Variants in LRRC4C observed in about 807,000 individuals in gnomAD.
LRRC4C encodes the protein leucine rich repeat containing 4C, also known as leucine-rich repeat-containing protein 4C.
In LRRC4C, 5 loss-of-function variants were observed where a neutral mutation model predicts 33.6. The ratio of observed to expected loss-of-function variants is 0.15; its 90% CI spans 0.08 to 0.31. LRRC4C has a LOEUF of 0.31. Among genes scored for constraint, LRRC4C ranks in the 10% least tolerant of loss-of-function variants. The pLI, the probability that LRRC4C is intolerant of heterozygous loss-of-function variation, is 1.00. For synonymous variants in LRRC4C, 329 were observed against 302.0 expected (o/e 1.09, Z -0.93); for missense variants, 560 against 796.7 (o/e 0.70, Z 3.58).
chr11:41,086,635 C>A (rs915942489), intron 1 of LRRC4C, among the ~76,000 whole-genome samples: 12 of 151,978 alleles, frequency 7.9e-5, no homozygotes, highest in African/African-American at 2.7e-4. Flanking sequence ...TTTTAAATTT[C>A]TTTTCTTTGT....
chr11:40,938,992 T>C (rs762644364), intron 1 of LRRC4C, among the ~76,000 whole-genome samples: 1 of 152,058 alleles, frequency 6.6e-6, no homozygotes, highest in Non-Finnish European at 1.5e-5. Context: ...TAAAATAGTA[T>C]TATATAATTA....
chr11:41,432,710 T>C (rs1337501108), intron 1 of LRRC4C, among the ~76,000 whole-genome samples: 7 of 152,074 alleles, frequency 4.6e-5, no homozygotes, highest in Admixed American at 3.9e-4. Flanking sequence ...ACTGTCATCA[T>C]GGCCAGTGCT....
chr11:41,214,573 T>TACAAAAA (rs1946959262), intron 1 of LRRC4C, among the ~76,000 whole-genome samples: 2 of 19,388 alleles, frequency 1.0e-4, no homozygotes, highest in Non-Finnish European at 2.1e-4. Flanking sequence ...CTACTAAAAA[T>TACAAAAA]ACAAAAAAAA....
intron 3 of LRRC4C, among the ~76,000 whole-genome samples, chr11:40,502,854 AT>A (rs773349440): frequency 2.6e-4 from 40 of 152,296 alleles, no homozygotes; most frequent in East Asian, 7.7e-4. Context: ...TTAGAAAAAA[AT>A]ATGTGATTTT....
At chr11:41,310,539 T>A (rs930643481) in intron 1 of LRRC4C, among the ~76,000 whole-genome samples, 1 of 152,248 alleles carries the variant, frequency 6.6e-6, no homozygotes, top group Admixed American at 6.5e-5. Flanking sequence ...CAAATTACAG[T>A]ACATTCCTTT....
intron 1 of LRRC4C, among the ~76,000 whole-genome samples, chr11:41,364,889 T>C (rs1316598092): frequency 6.6e-6 from 1 of 152,128 alleles, no homozygotes; most frequent in Non-Finnish European, 1.5e-5. Context: ...ACATGGCTGA[T>C]ATCTAAGGCG....
chr11:40,193,890 G>A (rs1021558358), intron 5 of LRRC4C, among the ~76,000 whole-genome samples: 8 of 152,128 alleles, frequency 5.3e-5, no homozygotes, highest in Non-Finnish European at 1.0e-4. Context: ...AATAAAGCAT[G>A]AAGACAAGAT....
At chr11:40,928,640 T>C (rs1957490452) in intron 2 of LRRC4C, among the ~76,000 whole-genome samples, 1 of 152,160 alleles carries the variant, frequency 6.6e-6, no homozygotes, top group South Asian at 2.1e-4. Context: ...AAATTGCATG[T>C]TTGCTTTGGC....
intron 5 of LRRC4C, among the ~76,000 whole-genome samples, chr11:40,163,931 T>C (rs923915125): frequency 3.3e-5 from 5 of 152,178 alleles, no homozygotes; most frequent in African/African-American, 1.2e-4. Flanking sequence ...CTCCCTTGAT[T>C]GGGTTGCATT....
chr11:41,435,646 C>G (rs79650335), intron 1 of LRRC4C, among the ~76,000 whole-genome samples: 6 of 152,132 alleles, frequency 3.9e-5, no homozygotes, highest in African/African-American at 1.4e-4. Flanking sequence ...TTCACATGCT[C>G]ACATGAGAAT....
At chr11:41,019,782 CT>C (rs2137651721) in intron 1 of LRRC4C, among the ~76,000 whole-genome samples, 2 of 152,172 alleles carry the variant, frequency 1.3e-5, no homozygotes, top group African/African-American at 2.4e-5. Context: ...TGATGCTGAG[CT>C]TTTTTTCCAC....
intron 1 of LRRC4C, among the ~76,000 whole-genome samples, chr11:41,413,980 CTGCTTTAG>C (rs766414919): frequency 7.2e-5 from 11 of 152,152 alleles, no homozygotes; most frequent in Non-Finnish European, 1.5e-4. Context: ...TCAAAGAAAC[CTGCTTTAG>C]TGCTTTGTAG....
chr11:40,945,132 C>T (rs1182621513), intron 1 of LRRC4C, among the ~76,000 whole-genome samples: 2 of 150,280 alleles, frequency 1.3e-5, no homozygotes, highest in Non-Finnish European at 2.9e-5. Context: ...GGTTCACATG[C>T]CATTCTCCTG....
chr11:40,502,122 T>C (rs1954805577), intron 3 of LRRC4C, among the ~76,000 whole-genome samples: 1 of 152,142 alleles, frequency 6.6e-6, no homozygotes, highest in Non-Finnish European at 1.5e-5. Context: ...TCCCAACTAG[T>C]TCCTCATCTC....
intron 1 of LRRC4C, among the ~76,000 whole-genome samples, chr11:41,191,367 CA>C (rs1945938373): frequency 6.6e-6 from 1 of 152,108 alleles, no homozygotes; most frequent in South Asian, 2.1e-4. Flanking sequence ...TACACTTGAC[CA>C]ATTATAGAAG....
At chr11:41,183,558 G>C (rs1418305217) in intron 1 of LRRC4C, among the ~76,000 whole-genome samples, 1 of 152,118 alleles carries the variant, frequency 6.6e-6, no homozygotes, top group Non-Finnish European at 1.5e-5. Flanking sequence ...GGGTTCCCAG[G>C]GTCTTGGGAA....
intron 3 of LRRC4C, among the ~76,000 whole-genome samples, chr11:40,367,786 C>G (rs1369009214): frequency 6.6e-6 from 1 of 152,076 alleles, no homozygotes; most frequent in East Asian, 1.9e-4. Flanking sequence ...CTTTCCTTTT[C>G]TCCACAGCAG....
At chr11:41,167,400 T>C (rs972698330) in intron 1 of LRRC4C, among the ~76,000 whole-genome samples, 5 of 152,170 alleles carry the variant, frequency 3.3e-5, no homozygotes, top group East Asian at 1.9e-4. Context: ...AGAGAGAACA[T>C]AGACTGCCTC....
chr11:40,358,636 G>A (rs1947794887), intron 3 of LRRC4C, among the ~76,000 whole-genome samples: 1 of 152,076 alleles, frequency 6.6e-6, no homozygotes, highest in Non-Finnish European at 1.5e-5. Context: ...GCGTATTACT[G>A]ATCACTGCCA....
Sources: allele counts gnomAD v4.1 joint callset (sites outside exome capture counted in the v4.1 genomes callset), GRCh38; gene constraint gnomAD v4.1.1; transcripts MANE v1.5; gene names NCBI Gene and HGNC (gene_info 2026-07-23, HGNC 2026-07-21).